Variants in KNDC1 observed in about 807,000 individuals in gnomAD.
The protein encoded by KNDC1 is kinase non-catalytic C-lobe domain containing 1, also known as kinase non-catalytic C-lobe domain-containing protein 1.
KNDC1 carries 106 observed loss-of-function variants against 172.8 expected under a neutral mutation model. The ratio of observed to expected loss-of-function variants is 0.61; its 90% CI spans 0.52 to 0.72. KNDC1 has a LOEUF of 0.72. Ranked by LOEUF, KNDC1 falls within the 30% of genes least tolerant of loss-of-function variation. The pLI is 0.00. For synonymous variants in KNDC1, 1,083 were observed against 1,062.2 expected (o/e 1.02, Z -0.38); for missense variants, 2,325 against 2,394.5 (o/e 0.97, Z 0.61).
rs1471592701 is a variant in KNDC1 at position 133,226,111 on chromosome 10, G to A, written c.*1221G>A. ...CGCTGCATTTTTAATGTCAAGATGTGTTTTCCCACATAAATTCACCGGAGA... is the reference window on the plus strand; with the variant it reads ...CGCTGCATTTTTAATGTCAAGATGTATTTTCCCACATAAATTCACCGGAGA... On this transcript the variant is annotated 3_prime_UTR_variant, in exon 30 of 30. Transcript: ENST00000304613. 6.6e-6 allele frequency: 1 copy of A among 152,228 alleles called. No homozygotes were observed. The highest frequency in any genetic ancestry group is 6.5e-5 in the Admixed American group (1 of 15,276). The allele number at this position is 152,228 out of a possible 1,614,324, so 9.4% of individuals were successfully genotyped here. A position where few individuals can be genotyped will look rare whatever the true frequency, so the allele number is the denominator to read the frequency against.
rs1209890532 is a variant in KNDC1, at chr10:133,212,928, G to A, written c.4443+6G>A. On this transcript the variant is annotated splice_donor_region_variant and intron_variant, in intron 24 of 29. Transcript: ENST00000304613. ...AGCTCACGCTGCTACAGCAGGTGAGGAGGGCGAGGATCTGCGCCCAGGTCA... is the reference window on the plus strand; with the variant it reads ...AGCTCACGCTGCTACAGCAGGTGAGAAGGGCGAGGATCTGCGCCCAGGTCA... The A allele has an allele frequency of 1.2e-6, 2 of 1,606,848 alleles. No homozygotes were observed. Among genetic ancestry groups the A allele is most frequent in the South Asian group, 1.1e-5 (1 of 90,800 alleles).
intron 17 of KNDC1, among the ~76,000 whole-genome samples, chr10:133,205,837 A>G (rs1379144897): frequency 1.3e-5 from 2 of 152,060 alleles, no homozygotes; most frequent in Non-Finnish European, 2.9e-5. Context: ...GGGCCACCGC[A>G]CTCCAGCCCG....
At chr10:133,188,775 C>A in intron 7 of KNDC1, 122 bp downstream of exon 7, 1 of 604,120 alleles carries the variant, frequency 1.7e-6, no homozygotes, top group Non-Finnish European at 3.0e-6. Context: ...CCCCCACTGT[C>A]CCATCACCCC....
chr10:133,207,101 G>A (rs542804648), intron 19 of KNDC1, 36 bp from the exon 20 acceptor site: 3 of 1,558,696 alleles, frequency 1.9e-6, no homozygotes, highest in Admixed American at 3.8e-5. Flanking sequence ...GGGGCGAGGG[G>A]CAGAGTGACC....
chr10:133,199,529 G>A lies in KNDC1; in HGVS notation c.2830G>A (p.Asp944Asn), dbSNP rs1438366882. The stretch of plus-strand genomic sequence containing the variant: ...TGGCGCCATTTCCGAGAAGTTCTGT[G>A]ACCTGTACTGGGATGAGAAGTTGCT... ...FCGAISEKFC[D>N]LYWDEKLLQN... Residue 944 changes from aspartate (D) to asparagine (N), a missense_variant, in exon 15 of 30, where the codon GAC becomes AAC. By Grantham distance (23) the Asp-to-Asn change is conservative. Coordinates refer to ENST00000304613, the MANE Select transcript of KNDC1 (RefSeq NM_152643.8). 1 of 1,613,906 alleles carries A rather than the reference G, an allele frequency of 6.2e-7. No homozygotes were observed.
intron 3 of KNDC1, among the ~76,000 whole-genome samples, chr10:133,170,754 C>T (rs960384458): frequency 5.9e-5 from 9 of 152,314 alleles, no homozygotes; most frequent in African/African-American, 1.7e-4. Context: ...AAATCTTTCA[C>T]GTCTGGGTTG....
intron 5 of KNDC1, among the ~76,000 whole-genome samples, chr10:133,184,762 A>G (rs1853842602): frequency 6.6e-6 from 1 of 152,254 alleles, no homozygotes; most frequent in South Asian, 2.1e-4. Context: ...CAGCTTCAGA[A>G]GTCTGTGGCA....
At chr10:133,185,907 AGGGGC>A in intron 5 of KNDC1, 62 bp from the exon 6 acceptor site, 1 of 603,300 alleles carries the variant, frequency 1.7e-6, no homozygotes, top group East Asian at 3.8e-5. Flanking sequence ...AGGAGAGGGG[AGGGGC>A]GGGAGGAGAG....
At chr10:133,220,958 C>T (rs1367511442) in intron 29 of KNDC1, among the ~76,000 whole-genome samples, 3 of 152,098 alleles carry the variant, frequency 2.0e-5, no homozygotes, top group African/African-American at 7.2e-5. Context: ...TCACTTGGCA[C>T]TCACAGCCTC....
At chr10:133,216,961 G>A (rs1317143602) in intron 26 of KNDC1, among the ~76,000 whole-genome samples, 2 of 152,246 alleles carry the variant, frequency 1.3e-5, no homozygotes, top group African/African-American at 2.4e-5. Flanking sequence ...CCACGTACAC[G>A]AGGCGCCTGG....
At chr10:133,208,251 G>A (rs571070680) in intron 20 of KNDC1, among the ~76,000 whole-genome samples, 2 of 142,066 alleles carry the variant, frequency 1.4e-5, no homozygotes, top group South Asian at 2.4e-4. Context: ...ACCCTCTAGA[G>A]AGGGACGTGG....
At chr10:133,187,508 G>T (rs1032575822) in intron 6 of KNDC1, among the ~76,000 whole-genome samples, 4 of 152,262 alleles carry the variant, frequency 2.6e-5, no homozygotes, top group Admixed American at 6.5e-5. Flanking sequence ...CCGGGGACGG[G>T]GGTGCCCTCA....
chr10:133,182,138 C>T lies in KNDC1; in HGVS notation c.361-1206C>T, dbSNP rs1042423633. On this transcript the variant is annotated intron_variant, in intron 3 of 29. Transcript: ENST00000304613. ...AGAGAGGGGGAGTCGGCCAGGATGA[C>T]CAGCTAGCCTGGGGCCGCGGGATGC... Among the ~76,000 whole-genome samples, 5 of 152,094 alleles carry T rather than the reference C, an allele frequency of 3.3e-5. No homozygotes were observed. The South Asian group carries it at 6.2e-4, about 19-fold the overall frequency.
At chr10:133,167,317 G>T (rs1287135657) in intron 1 of KNDC1, 64 bp from the exon 2 acceptor site, 24 of 1,470,590 alleles carry the variant, frequency 1.6e-5, no homozygotes, top group Non-Finnish European at 2.2e-5. Context: ...GAATCGTCTC[G>T]GTGGGGGTGC....
chr10:133,203,391 C>T (rs961600481), intron 17 of KNDC1, among the ~76,000 whole-genome samples: 1 of 152,264 alleles, frequency 6.6e-6, no homozygotes, highest in Non-Finnish European at 1.5e-5. Context: ...CCTCACGTTT[C>T]TCTTGGAGGA....
Position 133,212,862 on chromosome 10 carries a change from C to T in KNDC1, c.4383C>T (p.Pro1461=), listed in dbSNP as rs770478777. The part of the protein sequence containing the change: ...GPCAKTSEKG[P]YFLTEYSTHQ... ...GCGCCAAGACCAGTGAGAAGGGGCC[C>T]TACTTCCTGACGGAGTACAGCACTC... The change falls in exon 24 of 30, where the codon CCC becomes CCT. Residue 1461 remains proline (P), a synonymous_variant. Transcript: ENST00000304613. 7.4e-6 allele frequency: 12 copies of T among 1,613,944 alleles called. No homozygotes were observed. Among genetic ancestry groups the T allele is most frequent in the Non-Finnish European group, 8.5e-6 (10 of 1,179,940 alleles).
intron 21 of KNDC1, 49 bp from the exon 22 acceptor site, chr10:133,211,373 C>T (rs1258660997): frequency 1.1e-5 from 18 of 1,577,678 alleles, no homozygotes; most frequent in Non-Finnish European, 1.5e-5. Flanking sequence ...TGGGCCTCTG[C>T]CCCCGACTCC....
chr10:133,205,256 C>T (rs1845154067), intron 17 of KNDC1, among the ~76,000 whole-genome samples: 2 of 152,224 alleles, frequency 1.3e-5, no homozygotes, highest in African/African-American at 2.4e-5. Flanking sequence ...CCTGGGACAA[C>T]GCGGCGCCCT....
intron 29 of KNDC1, among the ~76,000 whole-genome samples, chr10:133,222,498 T>C (rs1487889048): frequency 1.2e-5 from 1 of 85,640 alleles, no homozygotes; most frequent in Non-Finnish European, 2.5e-5. Context: ...CCGGTGTGTG[T>C]GTGTGTGTGT....
Sources: gnomAD v4.1 joint callset for allele counts (sites outside exome capture counted in the v4.1 genomes callset) on GRCh38, gnomAD v4.1.1 for gene constraint, MANE v1.5 for transcripts, NCBI Gene and HGNC (gene_info 2026-07-23, HGNC 2026-07-21) for gene names.